Variants in FGF1 observed in about 807,000 individuals in gnomAD.
The protein encoded by FGF1 is fibroblast growth factor 1, also known as beta-endothelial cell growth factor.
FGF1 carries 9 observed loss-of-function variants against 13.4 expected under a neutral mutation model. The observed-to-expected ratio is 0.67, with a 90% confidence interval of 0.40 to 1.17. FGF1 has a LOEUF of 1.17. Among genes scored for constraint, FGF1 ranks in the 50% most tolerant of loss-of-function variants. The pLI is 0.01. For missense variants in FGF1, 156 were observed against 192.7 expected, an observed-to-expected ratio of 0.81 and a Z score of 1.13; for synonymous variants, 93 against 79.0, an observed-to-expected ratio of 1.18 and a Z score of -0.94.
intron 2 of FGF1, among the ~76,000 whole-genome samples, chr5:142,610,483 C>A (rs549235583): frequency 6.6e-6 from 1 of 152,280 alleles, no homozygotes; most frequent in Non-Finnish European, 1.5e-5. Flanking sequence ...CAAAATGGAA[C>A]TGGCCATCTT....
At chr5:142,695,438 TG>T (rs1752948386) in intron 2 of FGF1, among the ~76,000 whole-genome samples, 1 of 151,726 alleles carries the variant, frequency 6.6e-6, no homozygotes. Context: ...AAAAATTAGC[TG>T]GGTGTGGTGG....
chr5:142,670,751 G>A (rs1452674318), intron 1 of FGF1, among the ~76,000 whole-genome samples: 1 of 152,190 alleles, frequency 6.6e-6, no homozygotes, highest in Non-Finnish European at 1.5e-5. Context: ...ACAGTTATTT[G>A]GACTTCAGGG....
Position 142,593,927 on chromosome 5 carries a change from T to C in FGF1, c.*1363A>G, listed in dbSNP as rs1396687173. ...GGAAGTGTATTTATACAAGTAATGG[T>C]AATACAAATGGTCTCCTGGGAAAAG... On this transcript the variant is annotated 3_prime_UTR_variant, in exon 4 of 4. Coordinates refer to ENST00000337706, the MANE Select transcript of FGF1 (RefSeq NM_000800.5). The C allele has an allele frequency of 6.5e-6, 1 of 152,784 alleles. No homozygotes were observed. Among genetic ancestry groups the C allele is most frequent in the Non-Finnish European group, 1.5e-5 (1 of 68,038 alleles). The allele number at this position is 152,784 out of a possible 1,614,324, so 9.5% of individuals were successfully genotyped here. A position where few individuals can be genotyped will look rare whatever the true frequency, so the allele number is the denominator to read the frequency against.
intron 1 of FGF1, among the ~76,000 whole-genome samples, chr5:142,683,678 G>A (rs1304581314): frequency 1.3e-5 from 2 of 151,794 alleles, no homozygotes; most frequent in East Asian, 1.9e-4. Context: ...AAAATTAGCC[G>A]GGCATGGTGC....
intron 1 of FGF1, among the ~76,000 whole-genome samples, chr5:142,623,366 A>G (rs1761961285): frequency 1.3e-5 from 2 of 149,074 alleles, no homozygotes; most frequent in East Asian, 3.9e-4. Flanking sequence ...TTTTTTTGAG[A>G]CAGAGTCTCG....
At chr5:142,633,225 AACT>A (rs1763653747) in intron 1 of FGF1, among the ~76,000 whole-genome samples, 2 of 152,118 alleles carry the variant, frequency 1.3e-5, no homozygotes. Flanking sequence ...TTATAAGCAA[AACT>A]GCTGTAGTCA....
intron 1 of FGF1, among the ~76,000 whole-genome samples, chr5:142,646,811 T>C (rs977781078): frequency 6.6e-6 from 1 of 152,208 alleles, no homozygotes; most frequent in Non-Finnish European, 1.5e-5. Context: ...CTTTTCTATG[T>C]GTCTGTGAAC....
Position 142,593,361 on chromosome 5 carries a change from T to G in FGF1, c.*1929A>C, listed in dbSNP as rs1754638050. 1 of 152,204 alleles carries G rather than the reference T, an allele frequency of 6.6e-6. No individual in the cohort carries two copies. The highest frequency in any genetic ancestry group is 1.5e-5 in the Non-Finnish European group (1 of 68,024). 9.4% of individuals were successfully genotyped at this position (152,204 alleles called of 1,614,324 possible). On this transcript the variant is annotated 3_prime_UTR_variant, in exon 4 of 4. Transcript: ENST00000337706. ...CCAAGTAACAAAAACAAAAAAGTTA[T>G]GAAATTATTTTGCTGCACAAATCTA...
At chr5:142,606,977 G>T (rs1408950978) in intron 2 of FGF1, among the ~76,000 whole-genome samples, 2 of 152,092 alleles carry the variant, frequency 1.3e-5, no homozygotes, top group African/African-American at 4.8e-5. Flanking sequence ...TTTTCATCAG[G>T]GATTTGCTAT....
chr5:142,670,671 C>A lies in FGF1; in HGVS notation c.-35+15286G>T, dbSNP rs17223248. Among the ~76,000 whole-genome samples the A allele has an allele frequency of 3.7e-3, 570 of 152,302 alleles. 4 individuals are homozygous for A. The highest frequency in any genetic ancestry group is 0.012 in the African/African-American group (497 of 41,558). Reference sequence around the variant, plus strand: ...GCATATGAAGAAATTAGGAAAAAAACCCCACAAAAACCTGACAGCAGTAGA... The same window carrying A: ...GCATATGAAGAAATTAGGAAAAAAAACCCACAAAAACCTGACAGCAGTAGA... On this transcript the variant is annotated intron_variant, in intron 1 of 3. Coordinates refer to ENST00000337706, the MANE Select transcript of FGF1 (RefSeq NM_000800.5).
At chr5:142,616,979 T>G (rs1357633934) in intron 1 of FGF1, among the ~76,000 whole-genome samples, 1 of 152,238 alleles carries the variant, frequency 6.6e-6, no homozygotes, top group African/African-American at 2.4e-5. Context: ...ATTGTCAATC[T>G]TAGGTGGGCC....
At chr5:142,664,380 G>A (rs1200307626) in intron 1 of FGF1, among the ~76,000 whole-genome samples, 2 of 152,202 alleles carry the variant, frequency 1.3e-5, no homozygotes, top group Admixed American at 6.5e-5. Context: ...GGGCACGGAC[G>A]CCACTGCTCT....
chr5:142,683,932 G>A lies in FGF1; in HGVS notation c.-35+2025C>T, dbSNP rs77460492. Among the ~76,000 whole-genome samples the A allele has an allele frequency of 3.3e-5, 5 of 151,302 alleles. No homozygotes were observed. In the East Asian group the frequency reaches 5.8e-4, roughly 18 times the overall value. On this transcript the variant is annotated intron_variant, in intron 1 of 3. Transcript: ENST00000337706. Reference sequence around the variant, plus strand: ...GATCTTTTTAAAATCCTATATATACGAGCATGGTACCTAGGATGGATGTGT... The same window carrying A: ...GATCTTTTTAAAATCCTATATATACAAGCATGGTACCTAGGATGGATGTGT...
At chr5:142,666,276 TAATA>T (rs879676855) in intron 1 of FGF1, among the ~76,000 whole-genome samples, 13,720 of 81,496 alleles carry the variant, frequency 0.17, 1,127 homozygotes, top group Non-Finnish European at 0.2. Context: ...AAGGAGCATG[TAATA>T]CACACACACA....
chr5:142,648,226 T>C (rs541199188), intron 1 of FGF1, among the ~76,000 whole-genome samples: 1 of 152,234 alleles, frequency 6.6e-6, no homozygotes, highest in African/African-American at 2.4e-5. Flanking sequence ...ATTGCAGCAC[T>C]GTTCACAATA....
chr5:142,664,455 C>T (rs79661425), intron 1 of FGF1, among the ~76,000 whole-genome samples: 2,378 of 152,298 alleles, frequency 0.016, 75 homozygotes, highest in African/African-American at 0.052. Context: ...CGAATTAGAT[C>T]GTGGAGGCAA....
chr5:142,602,503 A>G (rs926585678), intron 2 of FGF1, among the ~76,000 whole-genome samples: 8 of 152,112 alleles, frequency 5.3e-5, no homozygotes, highest in Non-Finnish European at 2.9e-5. Context: ...AATTTCTTTG[A>G]ATAGGAAATA....
chr5:142,690,203 C>T (rs1218629402), upstream of FGF1, among the ~76,000 whole-genome samples: 1 of 151,710 alleles, frequency 6.6e-6, no homozygotes, highest in African/African-American at 2.4e-5. Flanking sequence ...CGCCTGTAGT[C>T]CCAGCTACTC....
chr5:142,686,308 C>T (rs889089818), upstream of FGF1: 3 of 152,498 alleles, frequency 2.0e-5, no homozygotes, highest in Admixed American at 1.3e-4. Context: ...CCCACTCCCA[C>T]ACCACCCGCA....
Sources: gnomAD v4.1 joint callset for allele counts (sites outside exome capture counted in the v4.1 genomes callset) on GRCh38, gnomAD v4.1.1 for gene constraint, MANE v1.5 for transcripts, NCBI Gene and HGNC (gene_info 2026-07-23, HGNC 2026-07-21) for gene names.